Variants in METRNL observed in about 807,000 individuals in gnomAD.
METRNL encodes the protein meteorin like, glial cell differentiation regulator.
A neutral mutation model predicts 17.4 loss-of-function variants in METRNL; 9 were observed. The ratio of observed to expected loss-of-function variants is 0.52; its 90% confidence interval spans 0.31 to 0.90. The LOEUF (loss-of-function observed/expected upper bound fraction) is 0.90, where lower values mean the gene tolerates loss of function less well. METRNL is among the 40% of genes least tolerant of loss of function. METRNL has a pLI of 0.05. For missense variants in METRNL, 408 were observed against 430.7 expected (o/e 0.95, Z 0.47); for synonymous variants, 215 against 199.3 (o/e 1.08, Z -0.66).
chr17:83,083,523 G>T (rs1351510231), intron 1 of METRNL, among the ~76,000 whole-genome samples: 1 of 152,172 alleles, frequency 6.6e-6, no homozygotes, highest in African/African-American at 2.4e-5. Flanking sequence ...GCCCACACAC[G>T]TGTTAGATGA....
chr17:83,081,276 C>T (rs1284856423), intron 1 of METRNL, among the ~76,000 whole-genome samples: 1 of 152,166 alleles, frequency 6.6e-6, no homozygotes, highest in Non-Finnish European at 1.5e-5. Flanking sequence ...GATTCAGCCC[C>T]GGCTCGCTGC....
chr17:83,094,041 C>G (rs1398526816), intron 3 of METRNL, among the ~76,000 whole-genome samples: 1 of 152,214 alleles, frequency 6.6e-6, no homozygotes, highest in Admixed American at 6.5e-5. Context: ...GAAAGGGCAC[C>G]TGTTCTCTGA....
intron 1 of METRNL, among the ~76,000 whole-genome samples, chr17:83,083,428 C>T (rs1478323606): frequency 6.6e-6 from 1 of 152,256 alleles, no homozygotes; most frequent in Non-Finnish European, 1.5e-5. Flanking sequence ...GACGATGAGG[C>T]TGCATAAGAA....
At chr17:83,081,170 G>A (rs1423973325) in intron 1 of METRNL, among the ~76,000 whole-genome samples, 1 of 151,840 alleles carries the variant, frequency 6.6e-6, no homozygotes, top group East Asian at 1.9e-4. Flanking sequence ...GGGGCCGCGG[G>A]CGGATGGAGG....
intron 1 of METRNL, among the ~76,000 whole-genome samples, chr17:83,081,390 C>CGA (rs1450790996): frequency 5.9e-5 from 9 of 152,182 alleles, no homozygotes; most frequent in African/African-American, 2.2e-4. Flanking sequence ...CCGAGTGTGT[C>CGA]GAGAAGGGGC....
In METRNL at chr17:83,094,775, G is replaced by A. The variant is rs922356954; in HGVS notation, c.*200G>A. 3.8e-4 allele frequency: 154 copies of A among 405,446 alleles called. 3 individuals carry two copies. Among genetic ancestry groups the A allele is most frequent in the Non-Finnish European group, 6.9e-5 (16 of 232,426 alleles). 25.1% of individuals were successfully genotyped at this position (405,446 alleles called of 1,614,324 possible). A position where few individuals can be genotyped will look rare whatever the true frequency, so the allele number is the denominator to read the frequency against. On this transcript the variant is annotated 3_prime_UTR_variant, in exon 4 of 4. Coordinates refer to ENST00000320095, the MANE Select transcript of METRNL (RefSeq NM_001004431.3). ...CCAGCCAAGGATGCCCTGGCCGATT[G>A]GAAATGCTGTAAAATGCAAACTAAG...
At chr17:83,092,084 G>A (rs1211775384) in intron 2 of METRNL, among the ~76,000 whole-genome samples, 2 of 152,216 alleles carry the variant, frequency 1.3e-5, no homozygotes, top group African/African-American at 4.8e-5. Context: ...AGCTCATTCT[G>A]AGAAGCCTCC....
Position 83,079,960 on chromosome 17 carries a change from A to G in METRNL, c.145A>G (p.Ser49Gly). 1 of 1,011,690 alleles carries G rather than the reference A, an allele frequency of 9.9e-7. No homozygotes were observed. The highest frequency in any genetic ancestry group is 1.2e-6 in the Non-Finnish European group (1 of 848,980). 62.7% of individuals were successfully genotyped at this position (1,011,690 alleles called of 1,614,324 possible). A position where few individuals can be genotyped will look rare whatever the true frequency, so the allele number is the denominator to read the frequency against. Residue 49 changes from serine to glycine, a missense_variant, in exon 1 of 4, where the codon AGC becomes GGC. Physicochemically the swap from Ser to Gly is moderately conservative, Grantham distance 56. Transcript: ENST00000320095. ...GGGCGGCGCGGGCGCGCAGTACTCC[A>G]GCGACCGGTGCAGCTGGAAGGGGAG... ...LLGGAGAQYS[S>G]DRCSWKGSGL... is the part of the protein sequence containing the mutation.
At chr17:83,080,652 G>A (rs1483845145) in intron 1 of METRNL, among the ~76,000 whole-genome samples, 1 of 137,276 alleles carries the variant, frequency 7.3e-6, no homozygotes, top group Non-Finnish European at 1.6e-5. Flanking sequence ...CGAGAGCGGC[G>A]CCGACCGCGA....
At chr17:83,092,727 G>C (rs1650296777) in intron 2 of METRNL, among the ~76,000 whole-genome samples, 1 of 152,172 alleles carries the variant, frequency 6.6e-6, no homozygotes. Flanking sequence ...TTCAGCCCCA[G>C]TGGGCTTTGC....
rs762588986 is a variant in METRNL, at chr17:83,094,587, G to T, written c.*12G>T. 1 of 1,436,734 alleles carries T rather than the reference G, an allele frequency of 7.0e-7. No homozygotes were observed. Among genetic ancestry groups the T allele is most frequent in the Non-Finnish European group, 9.2e-7 (1 of 1,090,396 alleles). The allele number at this position is 1,436,734 out of a possible 1,614,324, so 89.0% of individuals were successfully genotyped here. A position where few individuals can be genotyped will look rare whatever the true frequency, so the allele number is the denominator to read the frequency against. On this transcript the variant is annotated 3_prime_UTR_variant, in exon 4 of 4. Coordinates refer to ENST00000320095, the MANE Select transcript of METRNL (RefSeq NM_001004431.3). ...TTGGCACGGACTGACTCCGTGGGCC[G>T]CTGCCCTTCCTCTCCTGATGAGTCA...
intron 1 of METRNL, chr17:83,084,410 T>G (rs961185668): frequency 1.3e-5 from 2 of 153,870 alleles, no homozygotes; most frequent in African/African-American, 4.8e-5. Context: ...GGGCCCCACC[T>G]TCGCTTTACC....
Position 83,094,650 on chromosome 17 carries a change from G to A in METRNL, c.*75G>A. The A allele has an allele frequency of 8.0e-7, 1 of 1,248,224 alleles. No homozygotes were observed. The highest frequency in any genetic ancestry group is 1.0e-6 in the Non-Finnish European group (1 of 958,044). The allele number at this position is 1,248,224 out of a possible 1,614,324, so 77.3% of individuals were successfully genotyped here. A position where few individuals can be genotyped will look rare whatever the true frequency, so the allele number is the denominator to read the frequency against. On this transcript the variant is annotated 3_prime_UTR_variant, in exon 4 of 4. Transcript: ENST00000320095. ...GGCGCTGCGGTCCTGGTGGGGCCGTGCGGTGAGGGCCGCGCGCTGGGAGCC... is the reference window on the plus strand; with the variant it reads ...GGCGCTGCGGTCCTGGTGGGGCCGTACGGTGAGGGCCGCGCGCTGGGAGCC...
At position 83,094,504 on chromosome 17, in the gene METRNL, A is replaced by G; in HGVS notation, c.865A>G (p.Lys289Glu). 6 of 1,561,268 alleles carry G rather than the reference A, an allele frequency of 3.8e-6. No homozygotes were observed. Among genetic ancestry groups the G allele is most frequent in the Non-Finnish European group, 3.5e-6 (4 of 1,146,396 alleles). ...GCGGCTCGGCTGTGCCCCACGCTTC[A>G]AGGACTTCCAGAGGATGTACAGGGA... The part of the protein sequence containing the change: ...EARLGCAPRF[K>E]DFQRMYRDAQ... The change falls in exon 4 of 4, where the codon AAG becomes GAG. Residue 289 changes from lysine to glutamate, a missense_variant. Transcript: ENST00000320095.
intron 1 of METRNL, among the ~76,000 whole-genome samples, chr17:83,083,330 G>A (rs531772522): frequency 6.6e-6 from 1 of 152,354 alleles, no homozygotes. Context: ...TGTCAGGACG[G>A]TGTATGTGGA....
At chr17:83,091,938 A>G (rs4986080) in intron 2 of METRNL, among the ~76,000 whole-genome samples, 56,977 of 152,122 alleles carry the variant, frequency 0.37, 11,223 homozygotes, top group East Asian at 0.6. Flanking sequence ...GTCCGTCCCG[A>G]GTGTAGGAAT....
chr17:83,089,732 T>A (rs1172864437), intron 2 of METRNL, among the ~76,000 whole-genome samples: 3 of 150,726 alleles, frequency 2.0e-5, no homozygotes, highest in African/African-American at 5.0e-5. Context: ...TTAATAATTG[T>A]CTCCCGATTG....
intron 2 of METRNL, among the ~76,000 whole-genome samples, chr17:83,085,789 A>G (rs1048237671): frequency 3.3e-5 from 5 of 152,152 alleles, no homozygotes; most frequent in African/African-American, 1.2e-4. Context: ...AGCACCTTTG[A>G]AACGGGTGCT....
chr17:83,088,392 G>C (rs888919170), intron 2 of METRNL, among the ~76,000 whole-genome samples: 2 of 152,202 alleles, frequency 1.3e-5, no homozygotes, highest in African/African-American at 4.8e-5. Context: ...GGGGCTGTCT[G>C]GTTCTGGGGT....
Sources: gnomAD v4.1 joint callset for allele counts (sites outside exome capture counted in the v4.1 genomes callset) on GRCh38, gnomAD v4.1.1 for gene constraint, MANE v1.5 for transcripts, NCBI Gene and HGNC (gene_info 2026-07-23, HGNC 2026-07-21) for gene names.